DLGAP2: variants seen among roughly 807,000 people sequenced by gnomAD.
The protein encoded by DLGAP2 is disks large-associated protein 2.
In DLGAP2, 26 loss-of-function variants were observed where a neutral mutation model predicts 100.3. The ratio of observed to expected loss-of-function variants is 0.26; its 90% CI spans 0.19 to 0.36. DLGAP2 has a LOEUF of 0.36. Among genes scored for constraint, DLGAP2 ranks in the 10% least tolerant of loss-of-function variants. DLGAP2 has a pLI of 1.00. For missense variants in DLGAP2, 1,858 were observed against 1,453.2 expected (o/e 1.28, Z -4.53); for synonymous variants, 886 against 630.1 (o/e 1.41, Z -6.08).
intron 2 of DLGAP2, among the ~76,000 whole-genome samples, chr8:1,214,784 C>T (rs561011355): frequency 6.6e-6 from 1 of 152,216 alleles, no homozygotes; most frequent in Non-Finnish European, 1.5e-5. Context: ...TCTATTGTTA[C>T]TATCAAGATT....
At chr8:1,446,190 G>T (rs562758443) in intron 3 of DLGAP2, among the ~76,000 whole-genome samples, 1 of 152,022 alleles carries the variant, frequency 6.6e-6, no homozygotes, top group African/African-American at 2.4e-5. Context: ...GAATGGTATT[G>T]CCTAGGTTTT....
At chr8:1,139,343 G>A (rs13248402) in intron 2 of DLGAP2, among the ~76,000 whole-genome samples, 59,094 of 152,166 alleles carry the variant, frequency 0.39, 13,359 homozygotes, top group Non-Finnish European at 0.52. Context: ...CATAGGCTGG[G>A]CAGCCTTGTC....
chr8:1,501,235 C>T (rs1799711556), intron 3 of DLGAP2, 131 bp from the exon 4 acceptor site: 8 of 947,182 alleles, frequency 8.4e-6, no homozygotes, highest in East Asian at 5.3e-5. Context: ...TGAGCGGTGA[C>T]GTTTGAAGAA....
In DLGAP2 at chr8:1,508,705, C is replaced by G. The variant is rs149079786; in HGVS notation, c.172+7274C>G. On this transcript the variant is annotated intron_variant, in intron 4 of 14. Transcript: ENST00000637795. ...TTGGAAGGAAAAATGGAATCCACAA[C>G]TGCTGCGCACAGGAGGGAAATGAAC... 4.2e-3 allele frequency among the ~76,000 whole-genome samples: 637 copies of G among 150,350 alleles called. 6 individuals carry two copies. The highest frequency in any genetic ancestry group is 0.015 in the African/African-American group (600 of 40,864).
intron 2 of DLGAP2, among the ~76,000 whole-genome samples, chr8:989,453 T>C (rs909801757): frequency 6.6e-6 from 1 of 152,158 alleles, no homozygotes; most frequent in Non-Finnish European, 1.5e-5. Context: ...CCTGGGCGGC[T>C]TCACTTCCTC....
rs1436567736 is a variant in DLGAP2 at position 1,261,517 on chromosome 8, G to A, written c.106+2634G>A. On this transcript the variant is annotated intron_variant, in intron 3 of 14. Transcript: ENST00000637795. Reference sequence around the variant, plus strand: ...AAGAAGACTCCCCCTGTCCGGTGGGGAGCCCCGCATAAGTCGGGGGGCTCT... The same window carrying A: ...AAGAAGACTCCCCCTGTCCGGTGGGAAGCCCCGCATAAGTCGGGGGGCTCT... Among the ~76,000 whole-genome samples the A allele has an allele frequency of 4.2e-5, 6 of 141,408 alleles. No individual in the cohort carries two copies. The South Asian group carries it at 7.8e-4, about 18-fold the overall frequency. 92.8% of individuals were successfully genotyped at this position (141,408 alleles called of 152,430 possible). A position where few individuals can be genotyped will look rare whatever the true frequency, so the allele number is the denominator to read the frequency against.
In DLGAP2 at chr8:1,525,801, T is replaced by C. The variant is rs927355921; in HGVS notation, c.173-22825T>C. On this transcript the variant is annotated intron_variant, in intron 4 of 14. Coordinates refer to ENST00000637795, the MANE Select transcript of DLGAP2 (RefSeq NM_001346810.2). ...TCTTGGCCTCATCTCTTGTGTGACA[T>C]TGGGTAGTGACGGGACCTCAGCATG... 2.6e-5 allele frequency among the ~76,000 whole-genome samples: 4 copies of C among 152,270 alleles called. No individual in the cohort carries two copies. The East Asian group carries it at 5.8e-4, about 22-fold the overall frequency.
At chr8:780,074 A>G (rs1482358478) in intron 1 of DLGAP2, among the ~76,000 whole-genome samples, 1 of 152,200 alleles carries the variant, frequency 6.6e-6, no homozygotes, top group Middle Eastern at 3.2e-3. Context: ...TGTGTTTGCC[A>G]TGCAATGCAG....
At chr8:1,101,660 C>T (rs966279010) in intron 2 of DLGAP2, among the ~76,000 whole-genome samples, 9 of 150,678 alleles carry the variant, frequency 6.0e-5, no homozygotes, top group South Asian at 2.1e-4. Context: ...GGAAGGTCCT[C>T]GTCACCCCTG....
At chr8:1,020,292 C>A (rs751865240) in intron 2 of DLGAP2, among the ~76,000 whole-genome samples, 36 of 152,326 alleles carry the variant, frequency 2.4e-4, no homozygotes, top group Admixed American at 5.2e-4. Flanking sequence ...CCGTTAATTG[C>A]TAACCTGAGA....
intron 3 of DLGAP2, among the ~76,000 whole-genome samples, chr8:1,423,312 G>T (rs1035406547): frequency 6.6e-6 from 1 of 152,040 alleles, no homozygotes; most frequent in African/African-American, 2.4e-5. Flanking sequence ...GGACAGACAG[G>T]TTCCCCCAGG....
intron 2 of DLGAP2, among the ~76,000 whole-genome samples, chr8:1,156,699 AACCCGGCTCAGCG>A (rs1163437597): frequency 7.3e-5 from 11 of 151,258 alleles, no homozygotes; most frequent in African/African-American, 2.4e-4. Context: ...CCAGCTCAGC[AACCCGGCTCAGCG>A]ACCCGGCTCA....
At chr8:1,289,323 A>G (rs1800008819) in intron 3 of DLGAP2, among the ~76,000 whole-genome samples, 1 of 152,252 alleles carries the variant, frequency 6.6e-6, no homozygotes, top group South Asian at 2.1e-4. Context: ...AATGAAAATT[A>G]TTACATGTAG....
At chr8:1,339,072 A>G (rs571678649) in intron 3 of DLGAP2, among the ~76,000 whole-genome samples, 8 of 151,960 alleles carry the variant, frequency 5.3e-5, no homozygotes, top group African/African-American at 1.9e-4. Flanking sequence ...AGGCATCAGG[A>G]CCTGGCAGGG....
chr8:1,491,355 G>A (rs530442726), intron 3 of DLGAP2, among the ~76,000 whole-genome samples: 3 of 152,114 alleles, frequency 2.0e-5, no homozygotes, highest in African/African-American at 4.8e-5. Flanking sequence ...GCTTCGGGCC[G>A]CTCCCCCTGA....
At chr8:1,614,070 G>A (rs542216232) in intron 6 of DLGAP2, among the ~76,000 whole-genome samples, 1 of 152,246 alleles carries the variant, frequency 6.6e-6, no homozygotes, top group East Asian at 1.9e-4. Context: ...AGCCAGGTGG[G>A]GGAGGCTGGT....
At chr8:1,074,535 G>C (rs960323045) in intron 2 of DLGAP2, among the ~76,000 whole-genome samples, 1 of 152,324 alleles carries the variant, frequency 6.6e-6, no homozygotes, top group Middle Eastern at 3.4e-3. Flanking sequence ...CACCTTCACA[G>C]CCGAGGCTGC....
At chr8:1,548,563 C>T (rs1193841018) in intron 4 of DLGAP2, 63 bp from the exon 5 acceptor site, 14 of 1,394,680 alleles carry the variant, frequency 1.0e-5, no homozygotes, top group Non-Finnish European at 1.3e-5. Flanking sequence ...GTCACATATT[C>T]CCCGCACCTG....
intron 2 of DLGAP2, among the ~76,000 whole-genome samples, chr8:1,231,463 G>T (rs7460360): frequency 6.6e-6 from 1 of 152,098 alleles, no homozygotes; most frequent in East Asian, 1.9e-4. Flanking sequence ...ACTGTTTGAC[G>T]CAGCAATCCC....
Sources: allele counts gnomAD v4.1 joint callset (sites outside exome capture counted in the v4.1 genomes callset), GRCh38; gene constraint gnomAD v4.1.1; transcripts MANE v1.5; gene names NCBI Gene and HGNC (gene_info 2026-07-23, HGNC 2026-07-21).